Variants in CNOT6 observed in about 807,000 individuals in gnomAD.
CNOT6 encodes the protein carbon catabolite repression 4 protein.
Under a neutral mutation model 61.2 loss-of-function variants are expected in CNOT6, and 12 were observed. The ratio of observed to expected loss-of-function variants is 0.20; its 90% CI spans 0.13 to 0.32. CNOT6 has a LOEUF of 0.32. CNOT6 is among the 10% of genes least tolerant of loss of function. CNOT6 has a pLI of 1.00. For synonymous variants in CNOT6, 225 were observed against 240.6 expected (o/e 0.94, Z 0.60); for missense variants, 405 against 663.9 (o/e 0.61, Z 4.28).
At position 180,567,900 on chromosome 5, in the gene CNOT6, A is replaced by G. The variant is rs949153864; in HGVS notation, c.924A>G (p.Ala308=). Residue 308 remains alanine (A), a synonymous_variant, in exon 9 of 12, where the codon GCA becomes GCG. Transcript: ENST00000261951. Reference sequence around the variant, plus strand: ...TTGAATTTAATCAGCTAGCCATGGCAAATTCTGAGGGGTCTGAAGCTATGC... The same window carrying G: ...TTGAATTTAATCAGCTAGCCATGGCGAATTCTGAGGGGTCTGAAGCTATGC... ...HTVEFNQLAM[A]NSEGSEAMLN... 10 of 1,614,172 alleles carry G rather than the reference A, an allele frequency of 6.2e-6. No individual in the cohort carries two copies. The highest frequency in any genetic ancestry group is 8.5e-6 in the Non-Finnish European group (10 of 1,180,014).
chr5:180,501,454 T>G (rs956581493), intron 1 of CNOT6, among the ~76,000 whole-genome samples: 5 of 152,234 alleles, frequency 3.3e-5, no homozygotes, highest in Admixed American at 1.3e-4. Flanking sequence ...ACATACCTCC[T>G]GGATACTTAG....
intron 4 of CNOT6, among the ~76,000 whole-genome samples, chr5:180,557,759 A>G (rs1759971619): frequency 6.6e-6 from 1 of 152,194 alleles, no homozygotes; most frequent in Non-Finnish European, 1.5e-5. Flanking sequence ...TTTCAAGTCT[A>G]AGAACTCTTT....
At chr5:180,545,232 C>G (rs1043778422) in intron 2 of CNOT6, among the ~76,000 whole-genome samples, 2 of 152,066 alleles carry the variant, frequency 1.3e-5, no homozygotes, top group Non-Finnish European at 2.9e-5. Context: ...TGTGTACACC[C>G]GTGAAACCAT....
intron 4 of CNOT6, among the ~76,000 whole-genome samples, chr5:180,561,120 T>C (rs1760159900): frequency 6.6e-6 from 1 of 152,010 alleles, no homozygotes. Flanking sequence ...CTGGCTAGTT[T>C]TGTTTGTTTG....
chr5:180,533,372 G>C (rs1481914069), intron 2 of CNOT6, among the ~76,000 whole-genome samples: 11 of 146,542 alleles, frequency 7.5e-5, no homozygotes, highest in Admixed American at 6.8e-5. Context: ...GAAGGAAGAG[G>C]GGAGACGCCT....
intron 2 of CNOT6, among the ~76,000 whole-genome samples, chr5:180,546,409 T>C (rs1759314316): frequency 6.6e-6 from 1 of 152,240 alleles, no homozygotes; most frequent in South Asian, 2.1e-4. Context: ...GTTTGACTTT[T>C]AGCGATAACT....
intron 1 of CNOT6, among the ~76,000 whole-genome samples, chr5:180,512,097 G>A (rs1757424472): frequency 6.6e-6 from 1 of 152,208 alleles, no homozygotes; most frequent in South Asian, 2.1e-4. Context: ...GAGTTGTATT[G>A]TATTTTAGTC....
At chr5:180,550,831 G>A (rs979750797) in intron 3 of CNOT6, among the ~76,000 whole-genome samples, 7 of 152,280 alleles carry the variant, frequency 4.6e-5, no homozygotes, top group African/African-American at 1.7e-4. Context: ...TAGTAGTAAA[G>A]CCTGGACTTG....
Position 180,549,939 on chromosome 5 carries a change from A to G in CNOT6, c.121A>G (p.Arg41Gly). 1 of 1,605,392 alleles carries G rather than the reference A, an allele frequency of 6.2e-7. No individual in the cohort carries two copies. Among genetic ancestry groups the G allele is most frequent in the Non-Finnish European group, 8.5e-7 (1 of 1,173,962 alleles). Residue 41 changes from arginine (R) to glycine (G), a missense_variant, in exon 3 of 12, where the codon AGA (arginine) becomes GGA (glycine). Coordinates refer to ENST00000261951, the MANE Select transcript of CNOT6 (RefSeq NM_001370472.1). Reference protein sequence around the residue: ...WAELEISGKVRSLSASLWSLT... With the variant: ...WAELEISGKVGSLSASLWSLT... ...ATTTTTTTCTCTTACAGGAAAAGTA[A>G]GAAGCTTAAGCGCATCTTTGTGGTC...
At chr5:180,513,167 G>T (rs1187605579) in intron 1 of CNOT6, among the ~76,000 whole-genome samples, 1 of 151,814 alleles carries the variant, frequency 6.6e-6, no homozygotes, top group Non-Finnish European at 1.5e-5. Context: ...AAAATCCTGG[G>T]ATTACAGGCT....
chr5:180,545,455 C>G (rs371056524), intron 2 of CNOT6, among the ~76,000 whole-genome samples: 135 of 151,976 alleles, frequency 8.9e-4, no homozygotes, highest in Middle Eastern at 6.8e-3. Flanking sequence ...AAATGGACAC[C>G]TTGCATTTTT....
At chr5:180,570,592 T>C (rs1561667588) in intron 10 of CNOT6, among the ~76,000 whole-genome samples, 1 of 152,202 alleles carries the variant, frequency 6.6e-6, no homozygotes, top group Non-Finnish European at 1.5e-5. Context: ...AACATTAATA[T>C]CCAAGACCCA....
intron 2 of CNOT6, among the ~76,000 whole-genome samples, chr5:180,533,997 AT>A (rs1758539113): frequency 6.6e-6 from 1 of 152,186 alleles, no homozygotes; most frequent in South Asian, 2.1e-4. Flanking sequence ...AAGCATACCC[AT>A]AAAGGTGGCC....
Position 180,553,897 on chromosome 5 carries a change from C to T in CNOT6, c.385+426C>T, listed in dbSNP as rs147833722. Among the ~76,000 whole-genome samples the T allele has an allele frequency of 2.2e-3, 329 of 152,224 alleles. 2 individuals carry two copies. In the Middle Eastern group the frequency reaches 0.027, roughly 13 times the overall value. Reference sequence around the variant, plus strand: ...CAAGATTTAAGCATATTTAAAAAAACTTGATTTATGAGGACTTGTGATTAT... The same window carrying T: ...CAAGATTTAAGCATATTTAAAAAAATTTGATTTATGAGGACTTGTGATTAT... On this transcript the variant is annotated intron_variant, in intron 4 of 11. Transcript: ENST00000261951.
chr5:180,553,874 A>G (rs950467105), intron 4 of CNOT6, among the ~76,000 whole-genome samples: 7 of 152,236 alleles, frequency 4.6e-5, no homozygotes, highest in African/African-American at 1.2e-4. Flanking sequence ...CTGATGATCA[A>G]GATTTAAGCA....
At chr5:180,501,151 T>C (rs1414274299) in intron 1 of CNOT6, among the ~76,000 whole-genome samples, 1 of 152,188 alleles carries the variant, frequency 6.6e-6, no homozygotes, top group African/African-American at 2.4e-5. Flanking sequence ...AAGTGGTTCA[T>C]GTAACATACT....
intron 4 of CNOT6, among the ~76,000 whole-genome samples, chr5:180,556,600 T>TAA (rs747982722): frequency 1.6e-4 from 24 of 152,316 alleles, no homozygotes; most frequent in Non-Finnish European, 3.1e-4. Context: ...GTTACACTCT[T>TAA]ATAGCCACAC....
chr5:180,501,254 G>A (rs1756856165), intron 1 of CNOT6, among the ~76,000 whole-genome samples: 2 of 152,276 alleles, frequency 1.3e-5, no homozygotes, highest in South Asian at 2.1e-4. Flanking sequence ...ATCAGCATAG[G>A]GGATAGAAAA....
chr5:180,569,094 T>C lies in CNOT6; in HGVS notation c.1028-16T>C, dbSNP rs1360489224. On this transcript the variant is annotated splice_polypyrimidine_tract_variant and intron_variant, in intron 9 of 11. Transcript: ENST00000261951. ...GGGTTTTGTCTCTTTCTTTGTTTCG[T>C]TTTTATCTAATGTAGCCGGAAAGCC... 1 of 1,598,036 alleles carries C rather than the reference T, an allele frequency of 6.3e-7. No homozygotes were observed. The highest frequency in any genetic ancestry group is 2.2e-5 in the East Asian group (1 of 44,766).
Sources: allele counts gnomAD v4.1 joint callset (sites outside exome capture counted in the v4.1 genomes callset), GRCh38; gene constraint gnomAD v4.1.1; transcripts MANE v1.5; gene names NCBI Gene and HGNC (gene_info 2026-07-23, HGNC 2026-07-21).